Variants in PCNX4 observed in about 807,000 individuals in gnomAD.
PCNX4 encodes pecanex 4.
PCNX4 carries 103 observed loss-of-function variants against 107.2 expected under a neutral mutation model. The observed-to-expected ratio is 0.96, with a 90% confidence interval of 0.82 to 1.13. PCNX4 has a LOEUF of 1.13. Ranked by LOEUF, PCNX4 falls within the 50% of genes most tolerant of loss-of-function variation. The pLI, the probability that PCNX4 is intolerant of heterozygous loss-of-function variation, is 0.00. For missense variants in PCNX4, 1,528 were observed against 1,379.4 expected, an observed-to-expected ratio of 1.11 and a Z score of -1.71; for synonymous variants, 541 against 481.7, an observed-to-expected ratio of 1.12 and a Z score of -1.61.
chr14:60,115,983 G>C lies in PCNX4; in HGVS notation c.1501G>C (p.Val501Leu), dbSNP rs1263820064. The C allele has an allele frequency of 1.9e-6, 3 of 1,612,280 alleles. No homozygotes were observed. Among genetic ancestry groups the C allele is most frequent in the Non-Finnish European group, 1.7e-6 (2 of 1,178,914 alleles). ...AAATGCTTTATTGGAGACAGTCATT[G>C]TATCAACAGTACACTTGATCTCCAG... ...TENALLETVI[V>L]STVHLISSTD... The change falls in exon 6 of 11, where the codon GTA (valine) becomes CTA (leucine). Residue 501 changes from valine (V) to leucine (L), a missense_variant. Val to Leu is a conservative substitution (Grantham distance 32). Coordinates refer to ENST00000406854, the MANE Select transcript of PCNX4 (RefSeq NM_001330177.2).
chr14:60,109,550 C>G (rs1895695033), intron 2 of PCNX4: 1 of 160,122 alleles, frequency 6.2e-6, no homozygotes. Flanking sequence ...AAGTGATACT[C>G]CTCCCTGAGC....
chr14:60,120,087 A>G (rs1249647684), intron 7 of PCNX4, among the ~76,000 whole-genome samples: 1 of 152,202 alleles, frequency 6.6e-6, no homozygotes, highest in Non-Finnish European at 1.5e-5. Flanking sequence ...TTGATGGTTC[A>G]CTAGGAGGAC....
Position 60,124,488 on chromosome 14 carries a change from T to C in PCNX4, c.2317T>C (p.Ser773Pro). Residue 773 changes from serine to proline, a missense_variant, in exon 9 of 11, where the codon TCC becomes CCC. Ser to Pro is a moderately conservative substitution (Grantham distance 74). Transcript: ENST00000406854. ...TGTGTGGATACTTGTTCAATACTGC[T>C]CCAAAAGGCCTGGCATGAAAGAGAA... ...VLVWILVQYC[S>P]KRPGMKENVH... 4 of 1,613,714 alleles carry C rather than the reference T, an allele frequency of 2.5e-6. No homozygotes were observed. Among genetic ancestry groups the C allele is most frequent in the Non-Finnish European group, 3.4e-6 (4 of 1,179,752 alleles).
intron 2 of PCNX4, 84 bp from the exon 3 acceptor site, chr14:60,114,616 G>T: frequency 8.7e-7 from 1 of 1,150,358 alleles, no homozygotes; most frequent in Non-Finnish European, 1.2e-6. Flanking sequence ...GGAGTGTGTT[G>T]TTATTCTGTG....
chr14:60,121,120 A>T, intron 7 of PCNX4, 76 bp from the exon 8 acceptor site: 1 of 1,499,162 alleles, frequency 6.7e-7, no homozygotes, highest in African/African-American at 1.4e-5. Context: ...TTAGTTTTGA[A>T]GATTCACATG....
At chr14:60,123,098 C>T (rs1054211320) in intron 8 of PCNX4, among the ~76,000 whole-genome samples, 14 of 151,966 alleles carry the variant, frequency 9.2e-5, no homozygotes, top group Non-Finnish European at 1.9e-4. Context: ...CTAACCCATA[C>T]CAGAAGACAA....
chr14:60,134,417 G>A lies in PCNX4; in HGVS notation c.*196G>A, dbSNP rs539988037. 7.4e-5 allele frequency: 45 copies of A among 606,510 alleles called. No homozygotes were observed. In the South Asian group the frequency reaches 1.0e-3, roughly 14 times the overall value. The allele number at this position is 606,510 out of a possible 1,614,324, so 37.6% of individuals were successfully genotyped here. On this transcript the variant is annotated 3_prime_UTR_variant, in exon 11 of 11. Transcript: ENST00000406854. The stretch of plus-strand genomic sequence containing the variant: ...ACAGCAAAAACATCTTTATGTCTAA[G>A]ATAAAAGAACTATTTGGCCAATATT...
Position 60,146,006 on chromosome 14 carries a change from T to C in PCNX4, c.*11785T>C, listed in dbSNP as rs1462884205. On this transcript the variant is annotated 3_prime_UTR_variant, in exon 11 of 11. Coordinates refer to ENST00000406854, the MANE Select transcript of PCNX4 (RefSeq NM_001330177.2). The surrounding 1 kb of genome is among the most constrained non-coding windows in gnomAD (Gnocchi z 4.9). ...TTTTCTTAACTTAGACGCTTATCAATAAGAAAATTTATATATATACATATA... is the reference window on the plus strand; with the variant it reads ...TTTTCTTAACTTAGACGCTTATCAACAAGAAAATTTATATATATACATATA... The C allele has an allele frequency of 2.0e-5, 3 of 149,512 alleles. No homozygotes were observed. Among genetic ancestry groups the C allele is most frequent in the African/African-American group, 7.3e-5 (3 of 40,962 alleles). The allele number at this position is 149,512 out of a possible 1,614,324, so 9.3% of individuals were successfully genotyped here. A position where few individuals can be genotyped will look rare whatever the true frequency, so the allele number is the denominator to read the frequency against.
intron 1 of PCNX4, among the ~76,000 whole-genome samples, chr14:60,098,920 A>G (rs538468393): frequency 2.0e-5 from 3 of 152,088 alleles, no homozygotes; most frequent in East Asian, 3.9e-4. Context: ...CCTGGGCAAC[A>G]ACAGCGAAAC....
chr14:60,093,312 C>T (rs999319528), intron 1 of PCNX4, among the ~76,000 whole-genome samples: 1 of 152,128 alleles, frequency 6.6e-6, no homozygotes, highest in East Asian at 1.9e-4. Flanking sequence ...TTTCATCACC[C>T]CAAAAAGAAA....
chr14:60,099,114 C>G (rs1351136663), intron 1 of PCNX4, among the ~76,000 whole-genome samples: 19 of 152,136 alleles, frequency 1.2e-4, no homozygotes, highest in Admixed American at 1.2e-3. Flanking sequence ...AAAAAAACTT[C>G]ATGTATGCAT....
chr14:60,118,287 ATCT>A (rs763095385), intron 6 of PCNX4, 39 bp from the exon 7 acceptor site: 11 of 1,490,000 alleles, frequency 7.4e-6, no homozygotes, highest in East Asian at 4.9e-5. Context: ...TTCATGAAAA[ATCT>A]TCTAAGGATA....
chr14:60,109,351 T>C (rs1895691594), intron 2 of PCNX4: 1 of 167,148 alleles, frequency 6.0e-6, no homozygotes, highest in Admixed American at 6.5e-5. Context: ...AGAAGTGGGA[T>C]GCCTTTGTAC....
At position 60,125,015 on chromosome 14, in the gene PCNX4, T is replaced by C; in HGVS notation, c.2844T>C (p.Tyr948=). 2 of 1,613,814 alleles carry C rather than the reference T, an allele frequency of 1.2e-6. No individual in the cohort carries two copies. The highest frequency in any genetic ancestry group is 1.1e-5 in the South Asian group (1 of 91,076). ...TTGTTCTAAGGCAGTTGGAATGTTA[T>C]CATTCAGAAGAGAAGGCCTCAAATG... The part of the protein sequence containing the change: ...YQFVLRQLEC[Y]HSEEKASNVL... Residue 948 remains tyrosine (Y), a synonymous_variant, in exon 9 of 11, where the codon TAT becomes TAC. Transcript: ENST00000406854.
chr14:60,118,775 T>G, intron 7 of PCNX4, 83 bp downstream of exon 7: 1 of 1,401,170 alleles, frequency 7.1e-7, no homozygotes. Context: ...ACAATCTTTT[T>G]ATCCAACCAT....
chr14:60,124,785 G>A lies in PCNX4; in HGVS notation c.2614G>A (p.Glu872Lys), dbSNP rs753653693. ...TGATCATTCTACAGGCACTGTTCCT[G>A]AAAACGATCTTTACAAAGCAGTTCT... is the stretch of plus-strand genomic sequence containing the variant. ...VGDHSTGTVP[E>K]NDLYKAVLLG... is the part of the protein sequence containing the mutation. Residue 872 changes from glutamate to lysine, a missense_variant, in exon 9 of 11, where the codon GAA becomes AAA. Transcript: ENST00000406854. 1.2e-6 allele frequency: 2 copies of A among 1,613,452 alleles called. No homozygotes were observed. Among genetic ancestry groups the A allele is most frequent in the Admixed American group, 3.3e-5 (2 of 60,006 alleles).
chr14:60,124,998 AG>A lies in PCNX4; in HGVS notation c.2829del (p.Arg943SerfsTer25). 1 of 1,613,854 alleles carries A rather than the reference AG, an allele frequency of 6.2e-7. No homozygotes were observed. Among genetic ancestry groups the A allele is most frequent in the Non-Finnish European group, 8.5e-7 (1 of 1,179,766 alleles). ...FPEDWYQFVLRQLECYHSEEK... is the reference protein window; with the variant it reads ...FPEDWYQFVLXQLECYHSEEK... ...AGAAGACTGGTACCAATTTGTTCTA[AG>A]GCAGTTGGAATGTTATCATTCAGAA... On this transcript the variant is annotated frameshift_variant, in exon 9 of 11. Transcript: ENST00000406854. LOFTEE classifies it high-confidence loss of function.
intron 10 of PCNX4, among the ~76,000 whole-genome samples, chr14:60,132,128 C>T (rs1283195349): frequency 2.0e-5 from 3 of 152,170 alleles, no homozygotes; most frequent in African/African-American, 7.2e-5. Flanking sequence ...CTTCCTCTAA[C>T]GGCTCTAGGA....
intron 1 of PCNX4, among the ~76,000 whole-genome samples, chr14:60,095,145 A>G (rs1430300112): frequency 2.0e-5 from 3 of 152,176 alleles, no homozygotes; most frequent in African/African-American, 4.8e-5. Context: ...GAGGTCTCCA[A>G]ATTTAAAGGG....
Sources: gnomAD v4.1 joint callset for allele counts (sites outside exome capture counted in the v4.1 genomes callset) on GRCh38, gnomAD v4.1.1 for gene constraint, Gnocchi (gnomAD v3.1) non-coding constraint, MANE v1.5 for transcripts, NCBI Gene and HGNC (gene_info 2026-07-23, HGNC 2026-07-21) for gene names.